Variants in FLNB observed in about 807,000 individuals in gnomAD.
The protein encoded by FLNB is filamin B.
In FLNB, 111 loss-of-function variants were observed where a neutral mutation model predicts 250.6. The ratio of observed to expected loss-of-function variants is 0.44; its 90% CI spans 0.38 to 0.52. FLNB has a LOEUF of 0.52. Among genes scored for constraint, FLNB ranks in the 20% least tolerant of loss-of-function variants. The pLI, the probability that FLNB is intolerant of heterozygous loss-of-function variation, is 0.00. For synonymous variants in FLNB, 1,302 were observed against 1,372.1 expected, an observed-to-expected ratio of 0.95 and a Z score of 1.13; for missense variants, 2,869 against 3,447.8, an observed-to-expected ratio of 0.83 and a Z score of 4.20.
At chr3:58,161,760 T>A (rs1022470277) in intron 42 of FLNB, among the ~76,000 whole-genome samples, 6 of 151,008 alleles carry the variant, frequency 4.0e-5, no homozygotes, top group African/African-American at 1.2e-4. Context: ...GGTTCTGGCC[T>A]TCCTCTTGGT....
At chr3:58,162,965 C>T (rs1200016877) in intron 42 of FLNB, 189 bp from the exon 43 acceptor site, 2 of 650,856 alleles carry the variant, frequency 3.1e-6, no homozygotes, top group Non-Finnish European at 2.8e-6. Context: ...ATGCGTTTCC[C>T]TTGGGGCTGA....
At chr3:58,103,768 G>A (rs2097254797) in intron 9 of FLNB, among the ~76,000 whole-genome samples, 191 bp from the exon 10 acceptor site, 1 of 152,188 alleles carries the variant, frequency 6.6e-6, no homozygotes, top group Non-Finnish European at 1.5e-5. Context: ...AAGCAGAGAT[G>A]GCTGTGTTTT....
intron 1 of FLNB, among the ~76,000 whole-genome samples, chr3:58,069,422 G>A (rs2097190921): frequency 6.6e-6 from 1 of 151,840 alleles, no homozygotes; most frequent in African/African-American, 2.4e-5. Flanking sequence ...TGTATTTTTA[G>A]TAGCGACAGG....
At chr3:58,015,352 T>C (rs2097104374) in intron 1 of FLNB, among the ~76,000 whole-genome samples, 1 of 152,256 alleles carries the variant, frequency 6.6e-6, no homozygotes, top group Non-Finnish European at 1.5e-5. Flanking sequence ...TTCTGTCTAT[T>C]CTCTGGCCAG....
chr3:58,130,754 G>T lies in FLNB; in HGVS notation c.4236G>T (p.Arg1412Ser), dbSNP rs1451663004. The T allele has an allele frequency of 6.2e-7, 1 of 1,613,568 alleles. No homozygotes were observed. The highest frequency in any genetic ancestry group is 2.2e-5 in the East Asian group (1 of 44,870). ...GGAHIPGSPF[R>S]VPVKDVVDPS... ...CCTCTCTTCCAGGCAGCCCCTTCAG[G>T]GTTCCTGTGAAGGATGTTGTGGACC... Residue 1412 changes from arginine (R) to serine (S), a missense_variant, in exon 25 of 46, where the codon AGG becomes AGT. Around this residue, in one of 5 missense-constraint regions of FLNB, gnomAD observed 1,348 missense variants for 1,466.7 expected, o/e 0.92. Transcript: ENST00000295956.
At chr3:58,023,606 G>A (rs760634364) in intron 1 of FLNB, among the ~76,000 whole-genome samples, 43 of 152,170 alleles carry the variant, frequency 2.8e-4, no homozygotes, top group Non-Finnish European at 5.6e-4. Context: ...AAGTGACTGT[G>A]GACTGGAAAT....
intron 1 of FLNB, among the ~76,000 whole-genome samples, chr3:58,068,029 G>C (rs2097188399): frequency 6.6e-6 from 1 of 152,254 alleles, no homozygotes; most frequent in South Asian, 2.1e-4. Context: ...GCCAAAGCCA[G>C]GTGACTGCGC....
intron 1 of FLNB, among the ~76,000 whole-genome samples, chr3:58,054,498 T>A (rs1288874046): frequency 6.6e-6 from 1 of 152,178 alleles, no homozygotes; most frequent in Non-Finnish European, 1.5e-5. Flanking sequence ...TCCACAGGGC[T>A]GGGGAAGTCT....
At chr3:58,162,491 G>A (rs141807680) in intron 42 of FLNB, 2 of 152,710 alleles carry the variant, frequency 1.3e-5, no homozygotes, top group East Asian at 3.9e-4. Flanking sequence ...AGTTGGAACC[G>A]TTTTTTTTCC....
intron 42 of FLNB, among the ~76,000 whole-genome samples, chr3:58,161,543 TG>T (rs1466005281): frequency 6.6e-6 from 1 of 152,158 alleles, no homozygotes; most frequent in East Asian, 1.9e-4. Flanking sequence ...CCCCTACAGA[TG>T]TATGAGATCA....
At chr3:58,078,894 G>A (rs754328623) in intron 3 of FLNB, 80 bp downstream of exon 3, 2 of 1,007,476 alleles carry the variant, frequency 2.0e-6, no homozygotes, top group Non-Finnish European at 3.1e-6. Flanking sequence ...GGGTCAGGCA[G>A]CCCGACCTTC....
At chr3:58,111,062 A>G (rs1185974369) in intron 16 of FLNB, among the ~76,000 whole-genome samples, 1 of 152,164 alleles carries the variant, frequency 6.6e-6, no homozygotes, top group African/African-American at 2.4e-5. Context: ...TTTGTAATAA[A>G]TTTTCATCAA....
chr3:58,020,767 A>C (rs2097112771), intron 1 of FLNB, among the ~76,000 whole-genome samples: 1 of 151,552 alleles, frequency 6.6e-6, no homozygotes, highest in Non-Finnish European at 1.5e-5. Context: ...TATTTGGAAC[A>C]CAGGGTGGAA....
At chr3:58,042,510 A>G (rs571431460) in intron 1 of FLNB, among the ~76,000 whole-genome samples, 33 of 151,776 alleles carry the variant, frequency 2.2e-4, no homozygotes, top group Non-Finnish European at 3.8e-4. Context: ...CACCATGCCC[A>G]GCAAATTTAT....
chr3:58,149,091 T>C (rs2097340672), intron 36 of FLNB: 2 of 530,380 alleles, frequency 3.8e-6, no homozygotes, highest in East Asian at 3.4e-5. Flanking sequence ...TGCACTAGGA[T>C]CTGAACCCAG....
chr3:58,060,231 C>G (rs984653115), intron 1 of FLNB, among the ~76,000 whole-genome samples: 2 of 152,006 alleles, frequency 1.3e-5, no homozygotes, highest in African/African-American at 4.8e-5. Flanking sequence ...AAAAACATGC[C>G]CAAGGCTGGG....
In FLNB at chr3:58,130,642, T is replaced by C. The variant is rs1882692; in HGVS notation, c.4223-99T>C. ...CAGGGGGAGCTGACCGAGGCCTGCA[T>C]GGCCGAGGTCCCGGGGGAGCAGCAG... On this transcript the variant is annotated intron_variant, in intron 24 of 45. Coordinates refer to ENST00000295956, the MANE Select transcript of FLNB (RefSeq NM_001457.4). 398,790 of 1,264,790 alleles carry C rather than the reference T, an allele frequency of 0.32. 77,976 individuals are homozygous for C. Among genetic ancestry groups the C allele is most frequent in the East Asian group, 0.93 (36,759 of 39,628 alleles). 78.3% of individuals were successfully genotyped at this position (1,264,790 alleles called of 1,614,324 possible). A position where few individuals can be genotyped will look rare whatever the true frequency, so the allele number is the denominator to read the frequency against.
chr3:58,141,876 A>G lies in FLNB; in HGVS notation c.5128A>G (p.Thr1710Ala). 1 of 1,614,158 alleles carries G rather than the reference A, an allele frequency of 6.2e-7. No individual in the cohort carries two copies. The highest frequency in any genetic ancestry group is 8.5e-7 in the Non-Finnish European group (1 of 1,180,002). ...FTVMATDGEV[T>A]AVEEAPVNAC... ...TGACCAGGCCACAGATGGGGAAGTC[A>G]CAGCCGTGGAGGAGGCACCGGTAAA... Residue 1710 changes from threonine (T) to alanine (A), a missense_variant, in exon 30 of 46, where the codon ACA becomes GCA. Thr to Ala is a moderately conservative substitution (Grantham distance 58). Transcript: ENST00000295956.
Position 58,110,043 on chromosome 3 carries a change from G to A in FLNB, c.2357G>A (p.Arg786Gln), listed in dbSNP as rs142314034. Reference sequence around the variant, plus strand: ...AGTGTTGGCATTAAGTGTGATGCCCGGGTGTTAAGTGAAGATGAGGAAGAC... The same window carrying A: ...AGTGTTGGCATTAAGTGTGATGCCCAGGTGTTAAGTGAAGATGAGGAAGAC... ...DVSVGIKCDA[R>Q]VLSEDEEDVD... The change falls in exon 16 of 46, where the codon CGG becomes CAG. Residue 786 changes from arginine to glutamine, a missense_variant. Arg to Gln is a conservative substitution (Grantham distance 43, BLOSUM62 1). Transcript: ENST00000295956. The A allele has an allele frequency of 6.6e-5, 107 of 1,614,132 alleles. No homozygotes were observed. The highest frequency in any genetic ancestry group is 1.1e-4 in the East Asian group (5 of 44,886).
Sources: gnomAD v4.1 joint callset for allele counts (sites outside exome capture counted in the v4.1 genomes callset) on GRCh38, gnomAD v4.1.1 for gene constraint, gnomAD v4.1.1 regional missense constraint, MANE v1.5 for transcripts, NCBI Gene and HGNC (gene_info 2026-07-23, HGNC 2026-07-21) for gene names.